UTY: variants seen among roughly 807,000 people sequenced by gnomAD.
UTY encodes the protein ubiquitously transcribed tetratricopeptide repeat containing, Y-linked.
UTY carries 12 observed loss-of-function variants against 32.5 expected under a neutral mutation model. The observed-to-expected ratio is 0.37, with a 90% CI of 0.24 to 0.60. The LOEUF is 0.60. Ranked by LOEUF, UTY falls within the 20% of genes least tolerant of loss-of-function variation. The pLI is 0.69. For synonymous variants in UTY, 131 were observed against 103.4 expected, an observed-to-expected ratio of 1.27 and a Z score of -1.62; for missense variants, 303 against 299.2, an observed-to-expected ratio of 1.01 and a Z score of -0.09.
At chrY:13,334,629 C>G (rs1051667284) in intron 18 of UTY, among the ~76,000 whole-genome samples, 2 of 33,702 alleles carry the variant, frequency 5.9e-5, no homozygotes, top group Non-Finnish European at 1.5e-4. Flanking sequence ...GAGAAACGCA[C>G]ATCAAAACCA....
chrY:13,405,652 T>C, intron 6 of UTY, among the ~76,000 whole-genome samples: 1 of 33,101 alleles, frequency 3.0e-5, no homozygotes, highest in Non-Finnish European at 7.6e-5. Context: ...CCAATGTACG[T>C]ACACATGTGT....
chrY:13,418,178 C>T (rs2071987924), intron 4 of UTY, among the ~76,000 whole-genome samples: 2 of 27,289 alleles, frequency 7.3e-5, no homozygotes, highest in South Asian at 9.1e-4. Flanking sequence ...TTTGTCCTTG[C>T]GATAGTTTGC....
intron 8 of UTY, among the ~76,000 whole-genome samples, chrY:13,385,958 G>A: frequency 3.1e-5 from 1 of 32,384 alleles, no homozygotes. Flanking sequence ...CATTTCTTAT[G>A]TTGTAGACAC....
At chrY:13,280,342 T>C (rs2056936638) in intron 27 of UTY, among the ~76,000 whole-genome samples, 1 of 32,946 alleles carries the variant, frequency 3.0e-5, no homozygotes, top group Non-Finnish European at 7.5e-5. Context: ...TGAGCTTGGA[T>C]TGCGCTACTG....
At chrY:13,255,786 G>A (rs773570423) in intron 28 of UTY, among the ~76,000 whole-genome samples, 1 of 33,643 alleles carries the variant, frequency 3.0e-5, no homozygotes, top group Admixed American at 2.7e-4. Flanking sequence ...CAATTTCTGC[G>A]GTAAACAACC....
At chrY:13,446,974 T>A (rs966640848) in intron 4 of UTY, among the ~76,000 whole-genome samples, 2 of 32,709 alleles carry the variant, frequency 6.1e-5, no homozygotes, top group African/African-American at 1.2e-4. Context: ...ATTTTTTTTT[T>A]AAATTATTGC....
chrY:13,297,724 C>G lies in UTY; in HGVS notation c.3993G>C (p.Lys1331Asn), dbSNP rs770001802. The change falls in exon 27 of 30, where the codon AAG becomes AAC. Residue 1331 changes from lysine to asparagine, a missense_variant. Coordinates refer to ENST00000545955, the MANE Select transcript of UTY (RefSeq NM_001258249.2). ...MARNIKVSDP[K>N]LFEMIKYCLL... ...GCACTTACTTAATCATTTCAAAAAG[C>G]TTTGGATCTGAGACTTTGATATTTC... 2 of 398,359 alleles carry G rather than the reference C, an allele frequency of 5.0e-6. No homozygotes were observed. Among genetic ancestry groups the G allele is most frequent in the South Asian group, 3.0e-5 (1 of 33,786 alleles).
chrY:13,350,194 T>C, intron 17 of UTY, among the ~76,000 whole-genome samples: 1 of 33,967 alleles, frequency 2.9e-5, no homozygotes, highest in African/African-American at 1.2e-4. Context: ...TATTTTGTTA[T>C]AGTGTTCTGA....
chrY:13,259,173 T>C (rs2055070426), intron 28 of UTY, among the ~76,000 whole-genome samples: 2 of 34,619 alleles, frequency 5.8e-5, no homozygotes, highest in African/African-American at 2.2e-4. Flanking sequence ...GTTAAGTTAA[T>C]ATCCATAGAA....
chrY:13,329,878 G>A (rs995997097), intron 18 of UTY, among the ~76,000 whole-genome samples: 12 of 33,438 alleles, frequency 3.6e-4, no homozygotes, highest in African/African-American at 1.4e-3. Flanking sequence ...TGCATTCTCC[G>A]TGCATTTCCT....
At chrY:13,342,180 C>T (rs776886096) in intron 17 of UTY, among the ~76,000 whole-genome samples, 1 of 33,430 alleles carries the variant, frequency 3.0e-5, no homozygotes, top group African/African-American at 1.2e-4. Context: ...CAGGACCCCA[C>T]AGTGGTGGAA....
Position 13,463,910 on chromosome Y carries a change from A to G in UTY, c.325+6211T>C, listed in dbSNP as rs2032661. Among the ~76,000 whole-genome samples, 31 of 34,409 alleles carry G rather than the reference A, an allele frequency of 9.0e-4. No individual in the cohort carries two copies. In the East Asian group the frequency reaches 0.023, roughly 25 times the overall value. 92.3% of individuals were successfully genotyped at this position (34,409 alleles called of 37,273 possible). On this transcript the variant is annotated intron_variant, in intron 3 of 29. Coordinates refer to ENST00000545955, the MANE Select transcript of UTY (RefSeq NM_001258249.2). The stretch of plus-strand genomic sequence containing the variant: ...CTTTTTAAAACTCTGACTGAATTCT[A>G]AATATATTTAATTGGACATTACATG...
chrY:13,392,721 A>C, intron 8 of UTY, among the ~76,000 whole-genome samples: 1 of 33,658 alleles, frequency 3.0e-5, no homozygotes, highest in African/African-American at 1.2e-4. Context: ...GGAAAATACC[A>C]GCATCTTTCC....
chrY:13,425,199 C>T, intron 4 of UTY, among the ~76,000 whole-genome samples: 1 of 33,954 alleles, frequency 2.9e-5, no homozygotes, highest in Non-Finnish European at 7.3e-5. Flanking sequence ...CAAGGAAAAT[C>T]ATTGTTTTAG....
chrY:13,266,758 C>T (rs2148492384), intron 27 of UTY, among the ~76,000 whole-genome samples: 2 of 33,019 alleles, frequency 6.1e-5, no homozygotes, highest in African/African-American at 1.2e-4. Context: ...TCCTTAATTT[C>T]GTTATTTACC....
chrY:13,344,301 G>A (rs1603425923), intron 17 of UTY, among the ~76,000 whole-genome samples: 1 of 34,122 alleles, frequency 2.9e-5, no homozygotes, highest in Non-Finnish European at 7.3e-5. Context: ...GGGAAAAACC[G>A]CATTAGAGAC....
At chrY:13,453,935 T>C (rs2076522539) in intron 3 of UTY, among the ~76,000 whole-genome samples, 3 of 32,308 alleles carry the variant, frequency 9.3e-5, no homozygotes, top group African/African-American at 3.7e-4. Flanking sequence ...GTCAGAAGAA[T>C]TGAACGCCGG....
intron 26 of UTY, among the ~76,000 whole-genome samples, chrY:13,298,249 C>T: frequency 1.2e-4 from 4 of 33,175 alleles, no homozygotes; most frequent in Non-Finnish European, 3.0e-4. Context: ...CTTTCTAGCT[C>T]TTAAGGCCAG....
intron 3 of UTY, among the ~76,000 whole-genome samples, chrY:13,463,131 C>T: frequency 3.3e-5 from 1 of 30,196 alleles, no homozygotes; most frequent in Non-Finnish European, 7.8e-5. Flanking sequence ...TTTTTTTGTC[C>T]CTCCAATAGT....
Sources: gnomAD v4.1 joint callset for allele counts (sites outside exome capture counted in the v4.1 genomes callset) on GRCh38, gnomAD v4.1.1 for gene constraint, MANE v1.5 for transcripts, NCBI Gene and HGNC (gene_info 2026-07-23, HGNC 2026-07-21) for gene names.